CDYL: variants seen among roughly 807,000 people sequenced by gnomAD.
CDYL encodes chromodomain Y like.
CDYL carries 8 observed loss-of-function variants against 47.3 expected under a neutral mutation model. The observed-to-expected ratio is 0.17, with a 90% CI of 0.10 to 0.31. The LOEUF is 0.31. Ranked by LOEUF, CDYL falls within the 10% of genes least tolerant of loss-of-function variation. The pLI is 1.00. For synonymous variants in CDYL, 266 were observed against 265.0 expected, an observed-to-expected ratio of 1.00 and a Z score of -0.04; for missense variants, 471 against 701.4, an observed-to-expected ratio of 0.67 and a Z score of 3.71.
chr6:4,882,596 G>A (rs775152711), intron 1 of CDYL, among the ~76,000 whole-genome samples: 13 of 152,182 alleles, frequency 8.5e-5, no homozygotes, highest in Non-Finnish European at 1.8e-4. Flanking sequence ...AAGAAGGGGT[G>A]GGACTTGTTA....
intron 1 of CDYL, among the ~76,000 whole-genome samples, chr6:4,707,284 GT>G (rs1162004050): frequency 6.6e-6 from 1 of 152,058 alleles, no homozygotes; most frequent in Non-Finnish European, 1.5e-5. Context: ...TCTGTTTTTT[GT>G]TTTTTATTTG....
At chr6:4,814,988 C>T (rs899152173) in intron 1 of CDYL, among the ~76,000 whole-genome samples, 1 of 152,182 alleles carries the variant, frequency 6.6e-6, no homozygotes, top group African/African-American at 2.4e-5. Flanking sequence ...GGTAACAGAT[C>T]TCTTATTCAG....
intron 1 of CDYL, among the ~76,000 whole-genome samples, chr6:4,868,338 C>G (rs576030882): frequency 6.6e-6 from 1 of 151,494 alleles, no homozygotes; most frequent in Non-Finnish European, 1.5e-5. Context: ...CTAATTTTCC[C>G]TATATTTTCT....
chr6:4,921,021 G>GT (rs1187091583), intron 2 of CDYL, among the ~76,000 whole-genome samples: 2 of 149,768 alleles, frequency 1.3e-5, no homozygotes, highest in Non-Finnish European at 3.0e-5. Flanking sequence ...GTGTATGTGT[G>GT]GCTTCTTAGT....
At position 4,764,670 on chromosome 6, in the gene CDYL, A is replaced by T. The variant is rs553322045; in HGVS notation, c.186+29826A>T. Among the ~76,000 whole-genome samples the T allele has an allele frequency of 5.9e-5, 9 of 152,374 alleles. No individual in the cohort carries two copies. The East Asian group carries it at 1.7e-3, about 29-fold the overall frequency. On this transcript the variant is annotated intron_variant, in intron 3 of 8. Transcript: ENST00000328908. ...ATAATGACAAAATGCTTCCTTCACCAGATAGATTATAACAATTTTAAACTT... is the reference window on the plus strand; with the variant it reads ...ATAATGACAAAATGCTTCCTTCACCTGATAGATTATAACAATTTTAAACTT...
At chr6:4,880,442 G>A (rs1761734273) in intron 1 of CDYL, among the ~76,000 whole-genome samples, 1 of 152,100 alleles carries the variant, frequency 6.6e-6, no homozygotes, top group East Asian at 1.9e-4. Context: ...CCTACTGAAC[G>A]ACATTTTGAT....
intron 3 of CDYL, among the ~76,000 whole-genome samples, chr6:4,742,020 T>C (rs891054103): frequency 6.6e-6 from 1 of 152,104 alleles, no homozygotes; most frequent in African/African-American, 2.4e-5. Context: ...ATATAATTGC[T>C]GGCATAGGAG....
At chr6:4,849,251 G>A (rs1390719945) in intron 1 of CDYL, among the ~76,000 whole-genome samples, 2 of 152,158 alleles carry the variant, frequency 1.3e-5, no homozygotes, top group Admixed American at 6.6e-5. Flanking sequence ...ACTGGGATGA[G>A]GAAAAACATC....
intron 1 of CDYL, among the ~76,000 whole-genome samples, chr6:4,863,375 GACT>G (rs765556759): frequency 6.6e-6 from 1 of 152,110 alleles, no homozygotes; most frequent in African/African-American, 2.4e-5. Context: ...TTTTTAAAAA[GACT>G]ACCTCTTCCC....
At chr6:4,934,325 T>G (rs1469725812) in intron 2 of CDYL, among the ~76,000 whole-genome samples, 4 of 152,116 alleles carry the variant, frequency 2.6e-5, no homozygotes, top group African/African-American at 9.7e-5. Context: ...CTCTTTAAAT[T>G]TTTCAAAAAT....
chr6:4,748,073 G>A (rs1265568231), intron 3 of CDYL, among the ~76,000 whole-genome samples: 2 of 152,134 alleles, frequency 1.3e-5, no homozygotes, highest in African/African-American at 2.4e-5. Context: ...GCATGTCAGG[G>A]AGCTTCTCGA....
At chr6:4,824,904 TC>T (rs1759936631) in intron 1 of CDYL, among the ~76,000 whole-genome samples, 2 of 152,054 alleles carry the variant, frequency 1.3e-5, no homozygotes, top group Non-Finnish European at 2.9e-5. Context: ...AGAGTCTCAC[TC>T]TGTTGCCCAG....
intron 1 of CDYL, among the ~76,000 whole-genome samples, chr6:4,783,509 C>T (rs1018914793): frequency 3.3e-5 from 5 of 151,708 alleles, no homozygotes; most frequent in African/African-American, 1.2e-4. Context: ...CTCTGCCTCA[C>T]TGGTTCAAGT....
chr6:4,710,379 G>GGGAAGGAAGGAAGGAAGGAAGGGAGGAA (rs1757129270), intron 1 of CDYL, among the ~76,000 whole-genome samples: 1 of 101,162 alleles, frequency 9.9e-6, no homozygotes, highest in Non-Finnish European at 2.1e-5. Flanking sequence ...GAGGGAGGGA[G>GGGAAGGAAGGAAGGAAGGAAGGGAGGAA]GGAAGGAAGG....
intron 4 of CDYL, among the ~76,000 whole-genome samples, chr6:4,940,026 C>A (rs1258630550): frequency 6.6e-6 from 1 of 152,152 alleles, no homozygotes; most frequent in Non-Finnish European, 1.5e-5. Context: ...GCGTTGAATT[C>A]CCTTGGACAG....
At chr6:4,801,739 C>T (rs1299941580) in intron 1 of CDYL, among the ~76,000 whole-genome samples, 1 of 152,186 alleles carries the variant, frequency 6.6e-6, no homozygotes, top group African/African-American at 2.4e-5. Context: ...GTTTCTAGCA[C>T]TCCACCAGCT....
intron 1 of CDYL, among the ~76,000 whole-genome samples, chr6:4,781,485 G>T (rs1248107315): frequency 6.6e-6 from 1 of 152,182 alleles, no homozygotes; most frequent in Non-Finnish European, 1.5e-5. Flanking sequence ...GAGGCAGTGA[G>T]GTCAAACATG....
chr6:4,779,413 G>C (rs917133655), intron 1 of CDYL, among the ~76,000 whole-genome samples: 6 of 152,200 alleles, frequency 3.9e-5, no homozygotes, highest in Non-Finnish European at 8.8e-5. Context: ...GGGAACTTGG[G>C]TGAGTTACCC....
chr6:4,877,479 T>C (rs567269016), intron 1 of CDYL, among the ~76,000 whole-genome samples: 1 of 152,364 alleles, frequency 6.6e-6, no homozygotes, highest in African/African-American at 2.4e-5. Context: ...TACTTAGGCC[T>C]GTAATGCATC....
Sources: gnomAD v4.1 joint callset for allele counts (sites outside exome capture counted in the v4.1 genomes callset) on GRCh38, gnomAD v4.1.1 for gene constraint, MANE v1.5 for transcripts, NCBI Gene and HGNC (gene_info 2026-07-23, HGNC 2026-07-21) for gene names.